Variants in PTPRT observed in about 807,000 individuals in gnomAD.
The protein encoded by PTPRT is receptor-type tyrosine-protein phosphatase T.
A neutral mutation model predicts 176.8 loss-of-function variants in PTPRT; 56 were observed. The ratio of observed to expected loss-of-function variants is 0.32; its 90% confidence interval spans 0.26 to 0.40. PTPRT has a LOEUF of 0.40. PTPRT is among the 10% of genes least tolerant of loss of function. The pLI, the probability that PTPRT is intolerant of heterozygous loss-of-function variation, is 1.00. For missense variants in PTPRT, 1,540 were observed against 1,908.2 expected, an observed-to-expected ratio of 0.81 and a Z score of 3.60; for synonymous variants, 783 against 739.0, an observed-to-expected ratio of 1.06 and a Z score of -0.96.
intron 6 of PTPRT, among the ~76,000 whole-genome samples, chr20:42,699,083 A>C (rs908477470): frequency 1.3e-5 from 2 of 152,128 alleles, no homozygotes; most frequent in Admixed American, 6.5e-5. Context: ...TTTGCAAACA[A>C]CCTAAAAAGG....
chr20:42,445,263 C>T (rs2059352622), intron 9 of PTPRT, among the ~76,000 whole-genome samples: 1 of 152,190 alleles, frequency 6.6e-6, no homozygotes, highest in Non-Finnish European at 1.5e-5. Flanking sequence ...GTAATGATAA[C>T]AGCTAACATT....
intron 1 of PTPRT, among the ~76,000 whole-genome samples, chr20:42,925,364 T>C (rs937032919): frequency 2.6e-5 from 4 of 152,136 alleles, no homozygotes; most frequent in Non-Finnish European, 1.5e-5. Context: ...TAAGTAAATG[T>C]TGGCTAGATA....
chr20:43,165,929 C>A (rs1221388377), intron 1 of PTPRT, among the ~76,000 whole-genome samples: 1 of 152,190 alleles, frequency 6.6e-6, no homozygotes, highest in Non-Finnish European at 1.5e-5. Flanking sequence ...GTGGCTCACA[C>A]CTGTAATCCC....
At chr20:42,600,269 A>T (rs1193918745) in intron 7 of PTPRT, among the ~76,000 whole-genome samples, 6 of 151,964 alleles carry the variant, frequency 3.9e-5, no homozygotes, top group Non-Finnish European at 1.5e-5. Context: ...CCTCCTGAAT[A>T]GCTGGGACTA....
At chr20:42,736,854 C>G (rs1025228984) in intron 6 of PTPRT, among the ~76,000 whole-genome samples, 1 of 152,060 alleles carries the variant, frequency 6.6e-6, no homozygotes, top group East Asian at 1.9e-4. Flanking sequence ...CCCCCAGCCT[C>G]TCAGCCAGAC....
intron 7 of PTPRT, among the ~76,000 whole-genome samples, chr20:42,574,413 C>T (rs1601299345): frequency 6.6e-6 from 1 of 152,172 alleles, no homozygotes; most frequent in East Asian, 1.9e-4. Context: ...CTTTGGGTAT[C>T]ATGAAAATGT....
chr20:42,243,898 T>C (rs1251515722), intron 14 of PTPRT, among the ~76,000 whole-genome samples: 1 of 152,184 alleles, frequency 6.6e-6, no homozygotes, highest in East Asian at 1.9e-4. Context: ...GCAGTTTAAA[T>C]GAAAAATGAT....
intron 5 of PTPRT, among the ~76,000 whole-genome samples, chr20:42,765,557 T>C (rs994455288): frequency 6.6e-6 from 1 of 152,130 alleles, no homozygotes. Context: ...GTATTCATCT[T>C]AGAATATTTG....
At chr20:42,871,854 A>T (rs1265832876) in intron 2 of PTPRT, among the ~76,000 whole-genome samples, 1 of 152,134 alleles carries the variant, frequency 6.6e-6, no homozygotes, top group East Asian at 1.9e-4. Flanking sequence ...AATACCTAGA[A>T]TGGTTTCCGT....
At chr20:42,245,889 G>A (rs1381688891) in intron 14 of PTPRT, among the ~76,000 whole-genome samples, 1 of 152,190 alleles carries the variant, frequency 6.6e-6, no homozygotes, top group Non-Finnish European at 1.5e-5. Context: ...ACCAGGGAAG[G>A]CAGGGAGAAG....
chr20:42,916,967 G>T (rs1467388784), intron 1 of PTPRT, among the ~76,000 whole-genome samples: 7 of 152,146 alleles, frequency 4.6e-5, no homozygotes, highest in South Asian at 2.1e-4. Flanking sequence ...TTAGTTTAAT[G>T]AGATCCCATT....
chr20:42,566,906 T>A lies in PTPRT; in HGVS notation c.1154-94344A>T, dbSNP rs567825995. 3.9e-5 allele frequency among the ~76,000 whole-genome samples: 6 copies of A among 152,296 alleles called. No homozygotes were observed. The East Asian group carries it at 9.7e-4, about 25-fold the overall frequency. Reference sequence around the variant, plus strand: ...TTGGTAAAACTGAATAAAGAGTAGATGGGGACTCTCTATATTATCTTCGTA... The same window carrying A: ...TTGGTAAAACTGAATAAAGAGTAGAAGGGGACTCTCTATATTATCTTCGTA... On this transcript the variant is annotated intron_variant, in intron 7 of 30. Coordinates refer to ENST00000373187, the MANE Select transcript of PTPRT (RefSeq NM_007050.6).
chr20:42,363,436 G>A (rs1600895573), intron 9 of PTPRT, among the ~76,000 whole-genome samples: 1 of 147,412 alleles, frequency 6.8e-6, no homozygotes, highest in Non-Finnish European at 1.5e-5. Flanking sequence ...TCAGCCTCCC[G>A]AGTAAGTGGG....
At chr20:42,429,374 G>T (rs2059195621) in intron 9 of PTPRT, among the ~76,000 whole-genome samples, 2 of 152,164 alleles carry the variant, frequency 1.3e-5, no homozygotes, top group Admixed American at 6.5e-5. Flanking sequence ...AACTAAGTAA[G>T]CGAGAGTGGG....
intron 17 of PTPRT, among the ~76,000 whole-genome samples, chr20:42,157,727 GGA>G (rs753017794): frequency 3.3e-5 from 5 of 152,120 alleles, no homozygotes; most frequent in East Asian, 3.9e-4. Flanking sequence ...TAGAAAGTGG[GGA>G]GTTTTTACCT....
At position 42,459,882 on chromosome 20, in the gene PTPRT, G is replaced by T. The variant is rs146530414; in HGVS notation, c.1451-11553C>A. ...TTCACCTGCCTTGGCCTCTCAAAGT[G>T]CTGGGATTACAGGGGTGAGCCACCA... On this transcript the variant is annotated intron_variant, in intron 8 of 30. Transcript: ENST00000373187. Among the ~76,000 whole-genome samples the T allele has an allele frequency of 3.1e-3, 471 of 149,868 alleles. 1 individual carries two copies. Among genetic ancestry groups the T allele is most frequent in the African/African-American group, 0.011 (455 of 41,366 alleles).
chr20:42,161,274 A>C (rs1435605813), intron 17 of PTPRT, 78 bp downstream of exon 17: 7 of 1,549,158 alleles, frequency 4.5e-6, no homozygotes, highest in African/African-American at 1.4e-5. Flanking sequence ...AGGGAGCCAT[A>C]CTTTTTGTAG....
chr20:43,027,562 A>G lies in PTPRT; in HGVS notation c.89-141630T>C, dbSNP rs1436614861. ...AGAAGAAATTTGGACAGAGAGAGAG[A>G]CAGCAGGGACGTGTGGCACAGAAGA... is the stretch of plus-strand genomic sequence containing the variant. On this transcript the variant is annotated intron_variant, in intron 1 of 30. Coordinates refer to ENST00000373187, the MANE Select transcript of PTPRT (RefSeq NM_007050.6). Among the ~76,000 whole-genome samples, 3 of 152,182 alleles carry G rather than the reference A, an allele frequency of 2.0e-5. No individual in the cohort carries two copies. In the East Asian group the frequency reaches 5.8e-4, roughly 29 times the overall value.
chr20:42,087,666 G>T (rs1269100039), intron 27 of PTPRT, among the ~76,000 whole-genome samples: 1 of 150,870 alleles, frequency 6.6e-6, no homozygotes, highest in Non-Finnish European at 1.5e-5. Context: ...GTGAGGTCAG[G>T]AGTTCGAGAC....
Sources: gnomAD v4.1 joint callset for allele counts (sites outside exome capture counted in the v4.1 genomes callset) on GRCh38, gnomAD v4.1.1 for gene constraint, MANE v1.5 for transcripts, NCBI Gene and HGNC (gene_info 2026-07-23, HGNC 2026-07-21) for gene names.